Variants in SPATC1 observed in about 807,000 individuals in gnomAD.
SPATC1 encodes the protein speriolin.
A neutral mutation model predicts 36.5 loss-of-function variants in SPATC1; 35 were observed. That is an observed-to-expected ratio of 0.96 (90% CI 0.73 to 1.27). The LOEUF is 1.27. Ranked by LOEUF, SPATC1 falls within the 50% of genes most tolerant of loss-of-function variation. The pLI is 0.00. For synonymous variants in SPATC1, 361 were observed against 353.6 expected, an observed-to-expected ratio of 1.02 and a Z score of -0.24; for missense variants, 779 against 796.0, an observed-to-expected ratio of 0.98 and a Z score of 0.26.
intron 1 of SPATC1, among the ~76,000 whole-genome samples, chr8:144,038,076 C>G (rs187656991): frequency 6.7e-6 from 1 of 150,116 alleles, no homozygotes; most frequent in African/African-American, 2.5e-5. Flanking sequence ...TTCAGTGAGC[C>G]GAGATCGCAC....
intron 1 of SPATC1, among the ~76,000 whole-genome samples, chr8:144,020,371 C>T (rs1397055529): frequency 7.1e-6 from 1 of 141,378 alleles, no homozygotes; most frequent in South Asian, 2.4e-4. Flanking sequence ...CCGAGGACTA[C>T]CTTCCCTCAG....
intron 1 of SPATC1, among the ~76,000 whole-genome samples, chr8:144,019,560 G>A (rs1235410158): frequency 6.6e-6 from 1 of 152,202 alleles, no homozygotes; most frequent in Non-Finnish European, 1.5e-5. Flanking sequence ...GCAGACTGCG[G>A]GGCGTCCTGC....
intron 1 of SPATC1, among the ~76,000 whole-genome samples, chr8:144,038,352 G>T (rs1554755157): frequency 7.0e-6 from 1 of 143,744 alleles, no homozygotes; most frequent in Admixed American, 7.0e-5. Context: ...AGAATCGCTT[G>T]AACCCGGGAG....
chr8:144,014,807 A>T (rs1834350339), intron 1 of SPATC1, among the ~76,000 whole-genome samples: 1 of 152,234 alleles, frequency 6.6e-6, no homozygotes, highest in African/African-American at 2.4e-5. Context: ...TGTGTGTCTC[A>T]CGTGGGTGAA....
In SPATC1 at chr8:144,045,106, C is replaced by CCCAT. The variant is rs1835224200; in HGVS notation, c.1447-1518_1447-1515dup. Among the ~76,000 whole-genome samples, 1 of 152,224 alleles carries CCCAT rather than the reference C, an allele frequency of 6.6e-6. No homozygotes were observed. Among genetic ancestry groups the CCCAT allele is most frequent in the East Asian group, 1.9e-4 (1 of 5,190 alleles). On this transcript the variant is annotated intron_variant, in intron 4 of 4. Transcript: ENST00000377470. The surrounding 1 kb of genome is among the most constrained non-coding windows in gnomAD (Gnocchi z 5.2). ...CTGCAGGAGGCACTGTGATTTCCTT[C>CCCAT]CCATCCCAGCAGGGAAACTGAGGCT...
intron 4 of SPATC1, among the ~76,000 whole-genome samples, chr8:144,042,340 T>A (rs7832427): frequency 0.06 from 6,689 of 110,892 alleles, 1,034 homozygotes; most frequent in African/African-American, 0.26. Context: ...TTTTTTTGAG[T>A]TGGTGTTTTG....
Position 144,040,974 on chromosome 8 carries a change from T to C in SPATC1, c.1173T>C (p.Arg391=). The change falls in exon 3 of 5, where the codon CGT becomes CGC. Residue 391 remains arginine, a synonymous_variant. Coordinates refer to ENST00000377470, the MANE Select transcript of SPATC1 (RefSeq NM_198572.3). ...CPPHNAHSPP[R]TSSSPASVND... is the part of the protein sequence containing the mutation. ...CACACAACGCCCACTCCCCACCTCG[T>C]ACCTCATCCTCCCCGGCTTCAGTCA... is the stretch of plus-strand genomic sequence containing the variant. The C allele has an allele frequency of 1.2e-6, 2 of 1,611,812 alleles. No individual in the cohort carries two copies. Among genetic ancestry groups the C allele is most frequent in the Non-Finnish European group, 1.7e-6 (2 of 1,179,692 alleles).
chr8:144,038,069 A>C (rs1320921944), intron 1 of SPATC1, among the ~76,000 whole-genome samples: 1 of 151,372 alleles, frequency 6.6e-6, no homozygotes, highest in Non-Finnish European at 1.5e-5. Flanking sequence ...CGGAGCCTTC[A>C]GTGAGCCGAG....
intron 1 of SPATC1, among the ~76,000 whole-genome samples, chr8:144,019,497 C>T (rs924187032): frequency 6.6e-6 from 1 of 152,176 alleles, no homozygotes; most frequent in African/African-American, 2.4e-5. Flanking sequence ...ACAGAACAGG[C>T]GCCAAGAGCT....
intron 1 of SPATC1, among the ~76,000 whole-genome samples, chr8:144,023,034 CGT>C (rs1834574480): frequency 7.1e-5 from 9 of 126,074 alleles, no homozygotes; most frequent in South Asian, 2.6e-4. Context: ...TGAGGAACCT[CGT>C]CCCTCAGGAC....
chr8:144,044,059 C>T (rs1554756438), intron 4 of SPATC1, among the ~76,000 whole-genome samples: 1 of 152,194 alleles, frequency 6.6e-6, no homozygotes, highest in African/African-American at 2.4e-5. Flanking sequence ...AGCCACCTTC[C>T]CCCTGCACTC....
At position 144,041,079 on chromosome 8, in the gene SPATC1, G is replaced by A; in HGVS notation, c.1278G>A (p.Lys426=). 1.3e-6 allele frequency: 2 copies of A among 1,589,764 alleles called. No homozygotes were observed. The highest frequency in any genetic ancestry group is 8.6e-7 in the Non-Finnish European group (1 of 1,166,102). ...MEVERKLAHR[K]TSKFPENPRE... is the part of the protein sequence containing the mutation. ...TGGAACGGAAGCTGGCCCACCGCAAGACCAGCAAGTTCCCCGAGAACCCCC... is the reference window on the plus strand; with the variant it reads ...TGGAACGGAAGCTGGCCCACCGCAAAACCAGCAAGTTCCCCGAGAACCCCC... The change falls in exon 3 of 5, where the codon AAG becomes AAA. Residue 426 remains lysine (K), a synonymous_variant. Transcript: ENST00000377470.
chr8:144,014,220 C>T (rs1488661093), intron 1 of SPATC1, among the ~76,000 whole-genome samples: 2 of 150,312 alleles, frequency 1.3e-5, no homozygotes, highest in African/African-American at 4.9e-5. Flanking sequence ...CATTGCACTG[C>T]AGCCTGGGCA....
intron 1 of SPATC1, among the ~76,000 whole-genome samples, chr8:144,037,990 G>A (rs1239208246): frequency 4.0e-5 from 6 of 151,026 alleles, no homozygotes; most frequent in African/African-American, 1.2e-4. Context: ...TTAGCCGGGC[G>A]AGGTGGCGGG....
At chr8:144,031,996 A>C (rs1457028474) in intron 1 of SPATC1, among the ~76,000 whole-genome samples, 2 of 152,072 alleles carry the variant, frequency 1.3e-5, no homozygotes, top group East Asian at 1.9e-4. Flanking sequence ...CTGGGATTAC[A>C]GGTGTAAGCC....
rs1835060772 is a variant in SPATC1 at position 144,040,747 on chromosome 8, C to G, written c.946C>G (p.Gln316Glu). Residue 316 changes from glutamine to glutamate, a missense_variant, in exon 3 of 5, where the codon CAA (glutamine) becomes GAA (glutamate). Transcript: ENST00000377470. ...TQAQPSAAQE[Q>E]VVPASVPTSP... The stretch of plus-strand genomic sequence containing the variant: ...GGCCCAGCCCAGTGCCGCCCAGGAA[C>G]AAGTGGTCCCTGCATCTGTCCCCAC... 1 of 1,612,518 alleles carries G rather than the reference C, an allele frequency of 6.2e-7. No homozygotes were observed. Among genetic ancestry groups the G allele is most frequent in the Non-Finnish European group, 8.5e-7 (1 of 1,179,508 alleles).
chr8:144,024,775 CA>C (rs1834639294), intron 1 of SPATC1, among the ~76,000 whole-genome samples: 1 of 149,198 alleles, frequency 6.7e-6, no homozygotes, highest in Non-Finnish European at 1.5e-5. Flanking sequence ...CCTCTCCCCT[CA>C]AGACCTACCC....
chr8:144,045,401 C>G lies in SPATC1; in HGVS notation c.1447-1226C>G, dbSNP rs1420506784. ...CCGGGCCCGGTCCTGAGTCCAGCCC[C>G]AAGACTGGTACCCTGCGCCTGGAGC... On this transcript the variant is annotated intron_variant, in intron 4 of 4. Transcript: ENST00000377470. This position sits in a 1 kb window ranked among gnomAD's most constrained non-coding sequence, Gnocchi z 5.2. Among the ~76,000 whole-genome samples, 2 of 152,218 alleles carry G rather than the reference C, an allele frequency of 1.3e-5. No homozygotes were observed. The highest frequency in any genetic ancestry group is 2.9e-5 in the Non-Finnish European group (2 of 68,028).
intron 1 of SPATC1, among the ~76,000 whole-genome samples, chr8:144,019,336 C>T (rs1461616853): frequency 6.6e-6 from 1 of 152,186 alleles, no homozygotes; most frequent in East Asian, 1.9e-4. Context: ...ATAAAGAGGC[C>T]AGTGGACTGA....
Sources: allele counts gnomAD v4.1 joint callset (sites outside exome capture counted in the v4.1 genomes callset), GRCh38; gene constraint gnomAD v4.1.1; non-coding constraint Gnocchi (gnomAD v3.1); transcripts MANE v1.5; gene names NCBI Gene and HGNC (gene_info 2026-07-23, HGNC 2026-07-21).